The following VEGFD variants were observed in gnomAD, a reference collection of about 807,000 sequenced individuals.
The protein encoded by VEGFD is c-fos induced growth factor (vascular endothelial growth factor D).
VEGFD carries 26 observed loss-of-function variants against 28.0 expected under a neutral mutation model. The observed-to-expected ratio is 0.93, with a 90% CI of 0.68 to 1.29. The LOEUF (loss-of-function observed/expected upper bound fraction) is 1.29, where lower values mean the gene tolerates loss of function less well. VEGFD is among the 50% of genes most tolerant of loss of function. The probability of loss-of-function intolerance (pLI) is 0.00; values close to 1 mark genes in which losing one functional copy is unlikely to be tolerated. For missense variants in VEGFD, 294 were observed against 273.4 expected, an observed-to-expected ratio of 1.08 and a Z score of -0.53; for synonymous variants, 93 against 95.5, an observed-to-expected ratio of 0.97 and a Z score of 0.15.
intron 5 of VEGFD, among the ~76,000 whole-genome samples, chrX:15,350,008 C>G (rs761399950): frequency 9.0e-6 from 1 of 110,667 alleles, no homozygotes. Context: ...TTCCCTGCCC[C>G]GAGTCAACAC....
chrX:15,373,998 C>T (rs181632435), intron 1 of VEGFD, among the ~76,000 whole-genome samples: 1 of 111,444 alleles, frequency 9.0e-6, no homozygotes, highest in African/African-American at 3.3e-5. Flanking sequence ...AGGTTTGTGA[C>T]TTTGCCTCCC....
intron 5 of VEGFD, among the ~76,000 whole-genome samples, chrX:15,351,672 T>C (rs1350640206): frequency 8.9e-6 from 1 of 112,331 alleles, no homozygotes; most frequent in African/African-American, 3.2e-5. Context: ...TATGTGACTA[T>C]TGGGCATGAA....
chrX:15,353,735 C>T (rs1296999794), intron 4 of VEGFD, among the ~76,000 whole-genome samples: 1 of 104,482 alleles, frequency 9.6e-6, no homozygotes, highest in Admixed American at 1.0e-4. Flanking sequence ...AGCGAAACTC[C>T]GTCTCAAAAA....
intron 2 of VEGFD, among the ~76,000 whole-genome samples, chrX:15,360,692 A>AG (rs1438295942): frequency 8.9e-6 from 1 of 112,203 alleles, no homozygotes; most frequent in Admixed American, 9.4e-5. Flanking sequence ...AAAAGCCTGA[A>AG]GGCTGAACAC....
Position 15,357,843 on chromosome X carries a change from T to C in VEGFD, c.492+160A>G, listed in dbSNP as rs912649503. Among the ~76,000 whole-genome samples, 57 of 112,371 alleles carry C rather than the reference T, an allele frequency of 5.1e-4. 2 individuals carry two copies. The highest frequency in any genetic ancestry group is 3.2e-4 in the Non-Finnish European group (17 of 53,256). ...CTCTCTGAGCCTCAGTTTCCTCATC[T>C]ATAAAGGAGCATAAAATACCCTCTT... On this transcript the variant is annotated intron_variant, in intron 3 of 6. Transcript: ENST00000297904.
intron 3 of VEGFD, 146 bp from the exon 4 acceptor site, chrX:15,355,444 T>C (rs1196874940): frequency 4.9e-6 from 2 of 407,505 alleles, no homozygotes; most frequent in Non-Finnish European, 7.8e-6. Flanking sequence ...AACAGGCTCA[T>C]CTAACTTTAT....
At chrX:15,371,603 A>C (rs1346919475) in intron 1 of VEGFD, among the ~76,000 whole-genome samples, 10 of 111,706 alleles carry the variant, frequency 9.0e-5, no homozygotes, top group Non-Finnish European at 1.9e-4. Context: ...CTGATGGCTC[A>C]CTGATTTTTG....
chrX:15,347,318 T>C lies in VEGFD; in HGVS notation c.784A>G (p.Met262Val). The C allele has an allele frequency of 2.5e-6, 3 of 1,211,147 alleles. No homozygotes were observed. Among genetic ancestry groups the C allele is most frequent in the Non-Finnish European group, 3.4e-6 (3 of 895,188 alleles). ...LQEPALCGPH[M>V]MFDEDRCECV... ...TCGCAACGATCTTCGTCAAACATCA[T>C]GTGTGGCCCACAGAGAGCTGGTTCC... The change falls in exon 6 of 7, where the codon ATG (methionine) becomes GTG (valine). Residue 262 changes from methionine (M) to valine (V), a missense_variant. By Grantham distance (21) the Met-to-Val change is conservative. Transcript: ENST00000297904.
At chrX:15,372,650 A>G (rs1182015274) in intron 1 of VEGFD, among the ~76,000 whole-genome samples, 1 of 111,090 alleles carries the variant, frequency 9.0e-6, no homozygotes, top group Non-Finnish European at 1.9e-5. Context: ...GCTATATAGG[A>G]ACTCTCTATA....
chrX:15,351,291 T>C (rs1420666850), intron 5 of VEGFD, among the ~76,000 whole-genome samples: 9 of 104,607 alleles, frequency 8.6e-5, no homozygotes, highest in African/African-American at 3.1e-4. Flanking sequence ...AATTTTTTTT[T>C]TGTATTTTTA....
chrX:15,360,294 T>C (rs1444031648), intron 2 of VEGFD, among the ~76,000 whole-genome samples: 1 of 109,349 alleles, frequency 9.1e-6, no homozygotes, highest in African/African-American at 3.3e-5. Context: ...CTAAACTTTG[T>C]TTTTTTTTAT....
At chrX:15,354,081 G>A (rs1176547362) in intron 4 of VEGFD, among the ~76,000 whole-genome samples, 2 of 108,222 alleles carry the variant, frequency 1.8e-5, no homozygotes, top group Non-Finnish European at 3.8e-5. Flanking sequence ...CCATTCTCCT[G>A]CCTCAGCCTC....
intron 1 of VEGFD, among the ~76,000 whole-genome samples, chrX:15,364,769 C>T (rs1182934551): frequency 9.0e-6 from 1 of 111,701 alleles, no homozygotes; most frequent in Admixed American, 9.5e-5. Context: ...TGCTGCAGGG[C>T]GAGGAACAGT....
intron 5 of VEGFD, among the ~76,000 whole-genome samples, chrX:15,348,954 G>C (rs1299136384): frequency 2.7e-5 from 3 of 112,493 alleles, no homozygotes; most frequent in African/African-American, 9.7e-5. Flanking sequence ...TAAACCATAT[G>C]TTCTTGCCAA....
chrX:15,359,341 T>C (rs746281237), intron 2 of VEGFD, among the ~76,000 whole-genome samples: 2 of 98,975 alleles, frequency 2.0e-5, no homozygotes, highest in Non-Finnish European at 2.0e-5. Context: ...TCTCTCTCTC[T>C]CCTCCTTCTC....
chrX:15,362,435 G>C (rs749085878), intron 2 of VEGFD, among the ~76,000 whole-genome samples: 188 of 109,577 alleles, frequency 1.7e-3, no homozygotes, highest in Middle Eastern at 0.014. Context: ...TGGTTTTTTT[G>C]AGACAGGATC....
intron 5 of VEGFD, 66 bp from the exon 6 acceptor site, chrX:15,347,425 T>A: frequency 1.1e-6 from 1 of 899,584 alleles, no homozygotes; most frequent in Non-Finnish European, 1.5e-6. Flanking sequence ...CCAAAGTTGA[T>A]TGTATCTTTT....
At chrX:15,356,743 C>CT (rs1294396195) in intron 3 of VEGFD, among the ~76,000 whole-genome samples, 3 of 111,578 alleles carry the variant, frequency 2.7e-5, no homozygotes, top group Non-Finnish European at 5.6e-5. Context: ...CTTAGCCCTA[C>CT]TTGGGTCATT....
At chrX:15,375,196 T>A (rs910338429) in intron 1 of VEGFD, among the ~76,000 whole-genome samples, 5 of 111,958 alleles carry the variant, frequency 4.5e-5, no homozygotes, top group Non-Finnish European at 9.4e-5. Context: ...AAGACAAACT[T>A]TTTCTCTCCA....
Sources: allele counts gnomAD v4.1 joint callset (sites outside exome capture counted in the v4.1 genomes callset), GRCh38; gene constraint gnomAD v4.1.1; transcripts MANE v1.5; gene names NCBI Gene and HGNC (gene_info 2026-07-23, HGNC 2026-07-21).